SYT7: variants seen among roughly 807,000 people sequenced by gnomAD.
SYT7 encodes synaptotagmin 7, also known as synaptotagmin-7.
SYT7 carries 29 observed loss-of-function variants against 75.1 expected under a neutral mutation model. That is an observed-to-expected ratio of 0.39 (90% CI 0.29 to 0.53). The LOEUF is 0.53. Ranked by LOEUF, SYT7 falls within the 20% of genes least tolerant of loss-of-function variation. The probability of loss-of-function intolerance (pLI) is 0.77; values close to 1 mark genes in which losing one functional copy is unlikely to be tolerated. For missense variants in SYT7, 693 were observed against 953.2 expected, an observed-to-expected ratio of 0.73 and a Z score of 3.59; for synonymous variants, 376 against 401.7, an observed-to-expected ratio of 0.94 and a Z score of 0.76.
intron 6 of SYT7, 133 bp from the exon 7 acceptor site, chr11:61,538,399 G>GAGAGAGAGAGAGAGAGAGAGAC (rs1565180504): frequency 2.6e-6 from 2 of 759,252 alleles, no homozygotes; most frequent in African/African-American, 1.8e-5. Flanking sequence ...AAGAGAGAGA[G>GAGAGAGAGAGAGAGAGAGAGAC]AGAGACAGAG....
chr11:61,547,199 C>T lies in SYT7; in HGVS notation c.325G>A (p.Gly109Ser). The T allele has an allele frequency of 1.3e-6, 2 of 1,535,582 alleles. No individual in the cohort carries two copies. Among genetic ancestry groups the T allele is most frequent in the Non-Finnish European group, 1.7e-6 (2 of 1,146,688 alleles). Residue 109 changes from glycine (G) to serine (S), a missense_variant, in exon 4 of 13, where the codon GGC becomes AGC. Physicochemically the swap from Gly to Ser is moderately conservative, Grantham distance 56 (BLOSUM62 0). Coordinates refer to ENST00000539008, the MANE Select transcript of SYT7 (RefSeq NM_001365809.2). ...CACTTGAGGGACAGTCGTGGGTCGC[C>T]ATAAGGGGCGTAGGGTGAAATGTTT... The part of the protein sequence containing the change: ...ILNISPYAPY[G>S]DPRLSLNGTL...
At chr11:61,575,051 G>A (rs1290119305) in intron 1 of SYT7, among the ~76,000 whole-genome samples, 2 of 151,858 alleles carry the variant, frequency 1.3e-5, no homozygotes, top group Non-Finnish European at 2.9e-5. Context: ...GGTAGGCACC[G>A]TTCCTCTCTC....
In SYT7 at chr11:61,542,977, T is replaced by C. The variant is rs904329325; in HGVS notation, c.573-398A>G. On this transcript the variant is annotated intron_variant, in intron 5 of 12. Coordinates refer to ENST00000539008, the MANE Select transcript of SYT7 (RefSeq NM_001365809.2). This position sits in a 1 kb window ranked among gnomAD's most constrained non-coding sequence, Gnocchi z 7.8. ...GAGTGGGAGGGGTAGAGGGAGCTGC[T>C]GTGGCCCCTCCCGCTATTTCGCTGG... Among the ~76,000 whole-genome samples the C allele has an allele frequency of 6.6e-6, 1 of 152,224 alleles. No homozygotes were observed. The highest frequency in any genetic ancestry group is 2.4e-5 in the African/African-American group (1 of 41,462).
chr11:61,533,650 C>A (rs999167236), intron 7 of SYT7: 1 of 985,298 alleles, frequency 1.0e-6, no homozygotes, highest in Non-Finnish European at 1.2e-6. Flanking sequence ...ACCCTCCAGA[C>A]GTGAGACTGA....
chr11:61,580,806 C>T lies in SYT7; in HGVS notation c.15G>A (p.Pro5=), dbSNP rs1261143020. 7.8e-7 allele frequency: 1 copy of T among 1,287,864 alleles called. No homozygotes were observed. The highest frequency in any genetic ancestry group is 9.9e-7 in the Non-Finnish European group (1 of 1,014,814). The allele number at this position is 1,287,864 out of a possible 1,614,324, so 79.8% of individuals were successfully genotyped here. A position where few individuals can be genotyped will look rare whatever the true frequency, so the allele number is the denominator to read the frequency against. Residue 5 remains proline (P), a synonymous_variant, in exon 1 of 13, where the codon CCG becomes CCA. Coordinates refer to ENST00000539008, the MANE Select transcript of SYT7 (RefSeq NM_001365809.2). This position sits in a 1 kb window ranked among gnomAD's most constrained non-coding sequence, Gnocchi z 6.1. The stretch of plus-strand genomic sequence containing the variant: ...CGCGCTTACCTGGGCTGGCCGCCTC[C>T]GGGTCCCGGTACATGGTCCCCTCGT... MYRD[P]EAASPGAPSR...
At chr11:61,561,740 A>G (rs2063640891) in intron 1 of SYT7, among the ~76,000 whole-genome samples, 1 of 152,166 alleles carries the variant, frequency 6.6e-6, no homozygotes, top group South Asian at 2.1e-4. Context: ...AATAGGTGCT[A>G]CTATTTATTA....
chr11:61,549,162 G>C (rs549201232), intron 3 of SYT7, among the ~76,000 whole-genome samples: 1 of 152,146 alleles, frequency 6.6e-6, no homozygotes, highest in African/African-American at 2.4e-5. Context: ...GGGCCATCCA[G>C]CCCGAGGTCC....
chr11:61,550,080 C>T (rs918205253), intron 3 of SYT7, among the ~76,000 whole-genome samples: 1 of 152,304 alleles, frequency 6.6e-6, no homozygotes, highest in East Asian at 1.9e-4. Flanking sequence ...TCTGCAAGAG[C>T]CCCTGGGCCC....
chr11:61,557,559 C>T (rs1414035874), intron 1 of SYT7, among the ~76,000 whole-genome samples: 3 of 152,150 alleles, frequency 2.0e-5, no homozygotes, highest in Non-Finnish European at 4.4e-5. Flanking sequence ...TCTACTAGAA[C>T]CCTCTTTGGG....
intron 2 of SYT7, among the ~76,000 whole-genome samples, chr11:61,554,766 A>C (rs1292023847): frequency 6.6e-6 from 1 of 152,154 alleles, no homozygotes. Context: ...CCCAGGAACA[A>C]AGCAGGGCAG....
In SYT7 at chr11:61,574,886, G is replaced by A. The variant is rs145639110; in HGVS notation, c.31+5904C>T. On this transcript the variant is annotated intron_variant, in intron 1 of 12. Coordinates refer to ENST00000539008, the MANE Select transcript of SYT7 (RefSeq NM_001365809.2). ...GGGAGCAGCTGCCGCGGCAGGGTTT[G>A]AAGTAATTTAATTGGACACATTAGC... Among the ~76,000 whole-genome samples the A allele has an allele frequency of 2.7e-3, 414 of 152,166 alleles. 3 individuals carry two copies. Among genetic ancestry groups the A allele is most frequent in the African/African-American group, 9.6e-3 (400 of 41,526 alleles).
At chr11:61,573,535 A>T (rs1478326403) in intron 1 of SYT7, among the ~76,000 whole-genome samples, 1 of 152,230 alleles carries the variant, frequency 6.6e-6, no homozygotes, top group Non-Finnish European at 1.5e-5. Flanking sequence ...CCGTGCTGTC[A>T]AAGTTCTTTA....
chr11:61,542,555 C>G lies in SYT7; in HGVS notation c.597G>C (p.Thr199=). The change falls in exon 6 of 13, where the codon ACG becomes ACC. Residue 199 remains threonine, a synonymous_variant. Coordinates refer to ENST00000539008, the MANE Select transcript of SYT7 (RefSeq NM_001365809.2). This position sits in a 1 kb window ranked among gnomAD's most constrained non-coding sequence, Gnocchi z 7.8. ...TGGGGATAGACTCAAGGGTAGTGGC[C>G]GTGGACAGGGTGGAGTCCTCGAAAC... ...LSNFEDSTLS[T]ATTLESIPSS... 6.6e-7 allele frequency: 1 copy of G among 1,517,524 alleles called. No individual in the cohort carries two copies. The allele number at this position is 1,517,524 out of a possible 1,614,324, so 94.0% of individuals were successfully genotyped here. A position where few individuals can be genotyped will look rare whatever the true frequency, so the allele number is the denominator to read the frequency against.
chr11:61,546,145 G>T lies in SYT7; in HGVS notation c.458C>A (p.Ala153Asp). 1 of 1,529,072 alleles carries T rather than the reference G, an allele frequency of 6.5e-7. No homozygotes were observed. The highest frequency in any genetic ancestry group is 8.7e-7 in the Non-Finnish European group (1 of 1,143,952). The allele number at this position is 1,529,072 out of a possible 1,614,324, so 94.7% of individuals were successfully genotyped here. A position where few individuals can be genotyped will look rare whatever the true frequency, so the allele number is the denominator to read the frequency against. The change falls in exon 5 of 13, where the codon GCC (alanine) becomes GAC (aspartate). Residue 153 changes from alanine to aspartate, a missense_variant. Around this residue, in one of 2 missense-constraint regions of SYT7, gnomAD observed 487 missense variants for 593.2 expected, o/e 0.82. Coordinates refer to ENST00000539008, the MANE Select transcript of SYT7 (RefSeq NM_001365809.2). This position sits in a 1 kb window ranked among gnomAD's most constrained non-coding sequence, Gnocchi z 7.6. ...PAPVPPPGEDALRSGGAAPSE... is the reference protein window; with the variant it reads ...PAPVPPPGEDDLRSGGAAPSE... Reference sequence around the variant, plus strand: ...GGGGGCAGCCCCGCCGCTTCTCAAGGCGTCCTCTCCGGGTGGCGGCACCGG... The same window carrying T: ...GGGGGCAGCCCCGCCGCTTCTCAAGTCGTCCTCTCCGGGTGGCGGCACCGG...
At chr11:61,536,260 T>C (rs2062867698) in intron 7 of SYT7, among the ~76,000 whole-genome samples, 2 of 152,114 alleles carry the variant, frequency 1.3e-5, no homozygotes, top group South Asian at 4.1e-4. Flanking sequence ...TCAGAAGGGA[T>C]GGGTGTGTTA....
chr11:61,517,116 G>A lies in SYT7; in HGVS notation c.*1511C>T, dbSNP rs1429809489. The stretch of plus-strand genomic sequence containing the variant: ...GGGGGCCTGGCGCCACCTGGCGGTA[G>A]TTCTGGGAATGTCAGGCCCAGGCTC... On this transcript the variant is annotated 3_prime_UTR_variant, in exon 13 of 13. Transcript: ENST00000539008. The A allele has an allele frequency of 2.5e-6, 1 of 396,646 alleles. No homozygotes were observed. The highest frequency in any genetic ancestry group is 4.4e-6 in the Non-Finnish European group (1 of 225,316). 24.6% of individuals were successfully genotyped at this position (396,646 alleles called of 1,614,324 possible).
Position 61,546,473 on chromosome 11 carries a change from A to G in SYT7, c.348-218T>C, listed in dbSNP as rs1009534279. 2 of 463,494 alleles carry G rather than the reference A, an allele frequency of 4.3e-6. No homozygotes were observed. Among genetic ancestry groups the G allele is most frequent in the Non-Finnish European group, 7.9e-6 (2 of 252,482 alleles). The allele number at this position is 463,494 out of a possible 1,614,324, so 28.7% of individuals were successfully genotyped here. ...AGACATCAGCACTGCAAATGGGTTA[A>G]CAGCGGAGCCTGCAGAGGAGAGAGG... On this transcript the variant is annotated intron_variant, in intron 4 of 12. Transcript: ENST00000539008. This position sits in a 1 kb window ranked among gnomAD's most constrained non-coding sequence, Gnocchi z 7.6.
chr11:61,518,919 G>A (rs2062223558), intron 12 of SYT7, among the ~76,000 whole-genome samples, 188 bp from the exon 13 acceptor site: 2 of 152,184 alleles, frequency 1.3e-5, no homozygotes, highest in Admixed American at 1.3e-4. Flanking sequence ...CTATTTTCCT[G>A]GTTGTCTACC....
At chr11:61,567,316 T>C (rs942636503) in intron 1 of SYT7, among the ~76,000 whole-genome samples, 10 of 151,168 alleles carry the variant, frequency 6.6e-5, no homozygotes, top group Non-Finnish European at 1.0e-4. Context: ...ACACGGCAAA[T>C]ATTAGGATGG....
Sources: allele counts gnomAD v4.1 joint callset (sites outside exome capture counted in the v4.1 genomes callset), GRCh38; gene constraint gnomAD v4.1.1; regional missense constraint gnomAD v4.1.1; non-coding constraint Gnocchi (gnomAD v3.1); transcripts MANE v1.5; gene names NCBI Gene and HGNC (gene_info 2026-07-23, HGNC 2026-07-21).